The following PACRG variants were observed in gnomAD, a reference collection of about 807,000 sequenced individuals.
The protein encoded by PACRG is parkin coregulated.
In PACRG, 29 loss-of-function variants were observed where a neutral mutation model predicts 29.7. The ratio of observed to expected loss-of-function variants is 0.98; its 90% CI spans 0.73 to 1.33. The LOEUF (loss-of-function observed/expected upper bound fraction) is 1.33, where lower values mean the gene tolerates loss of function less well. Among genes scored for constraint, PACRG ranks in the 40% most tolerant of loss-of-function variants. The pLI is 0.00. For missense variants in PACRG, 279 were observed against 316.2 expected (o/e 0.88, Z 0.89); for synonymous variants, 116 against 118.7 (o/e 0.98, Z 0.15).
At chr6:162,856,882 A>G (rs1355100866) in intron 2 of PACRG, among the ~76,000 whole-genome samples, 1 of 152,200 alleles carries the variant, frequency 6.6e-6, no homozygotes, top group Admixed American at 6.5e-5. Flanking sequence ...CTGAGAAGGC[A>G]TCTGGAGTGA....
At chr6:162,891,052 T>C (rs1794717823) in intron 2 of PACRG, among the ~76,000 whole-genome samples, 1 of 152,164 alleles carries the variant, frequency 6.6e-6, no homozygotes. Context: ...GTGATGCTCA[T>C]ACGTGGTCCG....
At chr6:163,220,112 GC>G in intron 4 of PACRG, among the ~76,000 whole-genome samples, 1 of 152,186 alleles carries the variant, frequency 6.6e-6, no homozygotes, top group Admixed American at 6.5e-5. Flanking sequence ...ACCACCACCT[GC>G]CCAGAATCCA....
intron 2 of PACRG, among the ~76,000 whole-genome samples, chr6:162,851,419 A>C (rs1790851271): frequency 6.6e-6 from 1 of 152,216 alleles, no homozygotes; most frequent in Non-Finnish European, 1.5e-5. Flanking sequence ...ATTCTGAAAA[A>C]TGGTAGTCTC....
chr6:162,906,693 A>G (rs1027563410), intron 2 of PACRG, among the ~76,000 whole-genome samples: 2 of 152,208 alleles, frequency 1.3e-5, no homozygotes, highest in African/African-American at 4.8e-5. Context: ...ATCTCAAAAG[A>G]CGTTACAAGT....
chr6:163,021,276 C>T (rs1423332068), intron 2 of PACRG, among the ~76,000 whole-genome samples: 2 of 152,222 alleles, frequency 1.3e-5, no homozygotes, highest in Non-Finnish European at 2.9e-5. Flanking sequence ...GAGCTGCCCT[C>T]TCCCATGTTG....
intron 1 of PACRG, among the ~76,000 whole-genome samples, chr6:162,784,352 T>C (rs555073893): frequency 1.8e-4 from 27 of 152,276 alleles, no homozygotes; most frequent in African/African-American, 5.8e-4. Flanking sequence ...CATCTTATCT[T>C]AATTTCTCGA....
chr6:163,283,945 C>A (rs1358627358), intron 4 of PACRG, among the ~76,000 whole-genome samples: 1 of 152,076 alleles, frequency 6.6e-6, no homozygotes, highest in Non-Finnish European at 1.5e-5. Context: ...GAAACCCCAT[C>A]TCTACTAAAA....
At chr6:163,281,205 C>T (rs549109348) in intron 4 of PACRG, among the ~76,000 whole-genome samples, 3 of 152,100 alleles carry the variant, frequency 2.0e-5, no homozygotes, top group East Asian at 3.9e-4. Context: ...TGTGGTGGTG[C>T]GAGCTTGGGG....
At chr6:163,188,016 T>C (rs143187694) in intron 4 of PACRG, among the ~76,000 whole-genome samples, 19 of 152,336 alleles carry the variant, frequency 1.2e-4, no homozygotes, top group African/African-American at 4.6e-4. Context: ...AAAATGAGCA[T>C]ATCTCTTTGA....
chr6:162,757,180 C>G (rs1781991998), intron 1 of PACRG, among the ~76,000 whole-genome samples: 1 of 151,996 alleles, frequency 6.6e-6, no homozygotes, highest in African/African-American at 2.4e-5. Flanking sequence ...TAAATCTTAA[C>G]TAGGTGTTAA....
chr6:163,093,917 G>C (rs1814337589), intron 4 of PACRG, among the ~76,000 whole-genome samples: 1 of 152,174 alleles, frequency 6.6e-6, no homozygotes, highest in Admixed American at 6.5e-5. Context: ...AAAATTTTAG[G>C]ATGTTTGTAC....
chr6:163,155,317 C>G (rs1031662418), intron 4 of PACRG, among the ~76,000 whole-genome samples: 13 of 152,198 alleles, frequency 8.5e-5, no homozygotes, highest in Admixed American at 6.5e-4. Flanking sequence ...CTCCATGAAG[C>G]TGGGAGGGTC....
chr6:162,884,115 AT>A (rs1428963149), intron 2 of PACRG, among the ~76,000 whole-genome samples: 3 of 152,022 alleles, frequency 2.0e-5, no homozygotes, highest in African/African-American at 7.2e-5. Context: ...CACCTGGCTA[AT>A]TTTTGTAGAG....
intron 4 of PACRG, among the ~76,000 whole-genome samples, chr6:163,282,805 T>G (rs1784264118): frequency 6.6e-6 from 1 of 152,214 alleles, no homozygotes; most frequent in Admixed American, 6.5e-5. Flanking sequence ...TTTTCTTCAC[T>G]TTCTTTTAGA....
chr6:162,780,148 G>C (rs1783982715), intron 1 of PACRG, among the ~76,000 whole-genome samples: 2 of 152,142 alleles, frequency 1.3e-5, no homozygotes, highest in South Asian at 4.1e-4. Context: ...AAATAGTAAG[G>C]TGGAACAGGG....
intron 2 of PACRG, among the ~76,000 whole-genome samples, chr6:162,875,332 C>T (rs759576820): frequency 3.3e-5 from 5 of 151,908 alleles, no homozygotes; most frequent in East Asian, 1.9e-4. Flanking sequence ...CACACACAGA[C>T]ATGCACACAC....
At chr6:162,969,574 T>C (rs1015724508) in intron 2 of PACRG, among the ~76,000 whole-genome samples, 1 of 152,150 alleles carries the variant, frequency 6.6e-6, no homozygotes, top group Non-Finnish European at 1.5e-5. Flanking sequence ...CCATTGCACT[T>C]ATTTTAAAAC....
intron 4 of PACRG, among the ~76,000 whole-genome samples, chr6:163,249,537 C>G (rs1782823138): frequency 6.6e-6 from 1 of 152,166 alleles, no homozygotes; most frequent in South Asian, 2.1e-4. Flanking sequence ...GAAGGGGGAT[C>G]CTGATGGGCC....
In PACRG at chr6:163,272,043, CT is replaced by C. The variant is rs11381981; in HGVS notation, c.614-42772del. On this transcript the variant is annotated intron_variant, in intron 4 of 4. Coordinates refer to ENST00000366888, the MANE Select transcript of PACRG (RefSeq NM_001080379.2). Reference sequence around the variant, plus strand: ...TTTTCATTTCTTTTCTTTCCTTTTTCTTTTTTTTTTTTCAAGATGGAGTCTC... The same window carrying C: ...TTTTCATTTCTTTTCTTTCCTTTTTCTTTTTTTTTTTCAAGATGGAGTCTC... 2.8e-3 allele frequency among the ~76,000 whole-genome samples: 398 copies of C among 143,008 alleles called. 2 individuals are homozygous for C. Among genetic ancestry groups the C allele is most frequent in the African/African-American group, 9.5e-3 (367 of 38,564 alleles). 93.8% of individuals were successfully genotyped at this position (143,008 alleles called of 152,430 possible).
Sources: gnomAD v4.1 joint callset for allele counts (sites outside exome capture counted in the v4.1 genomes callset) on GRCh38, gnomAD v4.1.1 for gene constraint, MANE v1.5 for transcripts, NCBI Gene and HGNC (gene_info 2026-07-23, HGNC 2026-07-21) for gene names.